Variants in RABEP2 observed in about 807,000 individuals in gnomAD.
RABEP2 encodes the protein rabaptin, RAB GTPase binding effector protein 2, also known as rab GTPase-binding effector protein 2.
Under a neutral mutation model 74.1 loss-of-function variants are expected in RABEP2, and 57 were observed. The ratio of observed to expected loss-of-function variants is 0.77; its 90% CI spans 0.62 to 0.96. The LOEUF (loss-of-function observed/expected upper bound fraction) is 0.96. RABEP2 is among the 40% of genes least tolerant of loss of function. RABEP2 has a pLI of 0.00. For missense variants in RABEP2, 692 were observed against 756.3 expected (o/e 0.91, Z 1.00); for synonymous variants, 351 against 344.0 (o/e 1.02, Z -0.23).
rs2152216945 is a variant in RABEP2 at position 28,904,831 on chromosome 16, C to G, written c.*112G>C. The G allele has an allele frequency of 1.2e-6, 1 of 849,030 alleles. No individual in the cohort carries two copies. The highest frequency in any genetic ancestry group is 1.8e-6 in the Non-Finnish European group (1 of 549,922). 52.6% of individuals were successfully genotyped at this position (849,030 alleles called of 1,614,324 possible). The stretch of plus-strand genomic sequence containing the variant: ...GGTGGCCCCCGTCAGTCCCCTCAAC[C>G]CCAGTCTCAGGGACGGTGGAAAAGC... On this transcript the variant is annotated 3_prime_UTR_variant, in exon 13 of 13. Coordinates refer to ENST00000358201, the MANE Select transcript of RABEP2 (RefSeq NM_024816.3).
intron 2 of RABEP2, among the ~76,000 whole-genome samples, chr16:28,923,307 G>A (rs1964491248): frequency 6.6e-6 from 1 of 152,046 alleles, no homozygotes; most frequent in Non-Finnish European, 1.5e-5. Context: ...CTACTTGGGA[G>A]GCTGAGGTAG....
chr16:28,905,391 C>A lies in RABEP2; in HGVS notation c.1608+6G>T. The A allele has an allele frequency of 1.3e-6, 2 of 1,600,004 alleles. No homozygotes were observed. The highest frequency in any genetic ancestry group is 1.1e-5 in the South Asian group (1 of 89,066). The stretch of plus-strand genomic sequence containing the variant: ...GCCAGCCTGGCGGGGCTGGGACAGG[C>A]CATACCTGCAGGGCCTGGGACAGTC... On this transcript the variant is annotated splice_donor_region_variant and intron_variant, in intron 12 of 12. Coordinates refer to ENST00000358201, the MANE Select transcript of RABEP2 (RefSeq NM_024816.3).
rs1178581874 is a variant in RABEP2 at position 28,910,926 on chromosome 16, T to A, written c.1051A>T (p.Thr351Ser). The part of the protein sequence containing the change: ...SEQLLRTLQG[T>S]VSQAQERVQL... ...ACCCGCTCCTGGGCCTGGCTCACGG[T>A]CCCTTGCAGGGTCCGCAGCAGCTGC... The change falls in exon 7 of 13, where the codon ACC (threonine) becomes TCC (serine). Residue 351 changes from threonine to serine, a missense_variant. By Grantham distance (58) the Thr-to-Ser change is moderately conservative (BLOSUM62 1). Transcript: ENST00000358201. 3 of 1,612,976 alleles carry A rather than the reference T, an allele frequency of 1.9e-6. No homozygotes were observed. The African/African-American group carries it at 4.0e-5, about 22-fold the overall frequency.
Position 28,904,557 on chromosome 16 carries a change from A to G in RABEP2, c.*386T>C. The G allele has an allele frequency of 7.1e-7, 1 of 1,407,964 alleles. No homozygotes were observed. The highest frequency in any genetic ancestry group is 3.2e-5 in the East Asian group (1 of 30,914). 87.2% of individuals were successfully genotyped at this position (1,407,964 alleles called of 1,614,324 possible). A position where few individuals can be genotyped will look rare whatever the true frequency, so the allele number is the denominator to read the frequency against. ...AGACCAGAAGGCAGCTGCCTGTCCC[A>G]GGGCCGGGGCCCACCTCACTGCCTC... On this transcript the variant is annotated 3_prime_UTR_variant, in exon 13 of 13. Coordinates refer to ENST00000358201, the MANE Select transcript of RABEP2 (RefSeq NM_024816.3).
At chr16:28,914,987 C>G (rs144057963) in intron 3 of RABEP2, among the ~76,000 whole-genome samples, 1 of 151,070 alleles carries the variant, frequency 6.6e-6, no homozygotes, top group African/African-American at 2.4e-5. Context: ...ATGAAGGTCA[C>G]GACTTCTTCC....
chr16:28,909,843 T>C (rs979395653), intron 7 of RABEP2, among the ~76,000 whole-genome samples: 1 of 150,906 alleles, frequency 6.6e-6, no homozygotes, highest in African/African-American at 2.4e-5. Flanking sequence ...GCTAACACGG[T>C]GAAACCCCGT....
rs1236756926 is a variant in RABEP2, at chr16:28,906,034, G to A, written c.1408C>T (p.Gln470Ter). Reference sequence around the variant, plus strand: ...CTCCCCTCACCTGTCTCCTCCCGCTGCACCCTCAGCTGCCCCTCCAGGCTG... The same window carrying A: ...CTCCCCTCACCTGTCTCCTCCCGCTACACCCTCAGCTGCCCCTCCAGGCTG... ...RASLEGQLRV[Q>*]REETEVLEAS... is the part of the protein sequence containing the mutation. The change falls in exon 9 of 13, where the codon CAG becomes TAG. Residue 470 changes from glutamine to a stop codon, truncating the protein, a stop_gained. Transcript: ENST00000358201. LOFTEE classifies it high-confidence loss of function. The A allele has an allele frequency of 2.5e-6, 4 of 1,604,578 alleles. No individual in the cohort carries two copies. The highest frequency in any genetic ancestry group is 3.4e-5 in the Admixed American group (2 of 58,882).
At chr16:28,905,076 C>T in intron 12 of RABEP2, 32 bp from the exon 13 acceptor site, 5 of 1,564,604 alleles carry the variant, frequency 3.2e-6, no homozygotes, top group East Asian at 2.3e-5. Flanking sequence ...GCAGAGTGCA[C>T]TTGTGGGGAA....
rs377506516 is a variant in RABEP2 at position 28,908,728 on chromosome 16, C to G, written c.1126G>C (p.Glu376Gln). 2 of 1,614,216 alleles carry G rather than the reference C, an allele frequency of 1.2e-6. No homozygotes were observed. ...LVTTHKCLHHEVKRLNEENQG... is the reference protein window; with the variant it reads ...LVTTHKCLHHQVKRLNEENQG... ...TTTTCCTCATTCAACCGCTTTACCT[C>G]ATGGTGCAGGCACTTGTGGGTGGTG... is the stretch of plus-strand genomic sequence containing the variant. Residue 376 changes from glutamate to glutamine, a missense_variant, in exon 8 of 13, where the codon GAG becomes CAG. By Grantham distance (29) the Glu-to-Gln change is conservative. Coordinates refer to ENST00000358201, the MANE Select transcript of RABEP2 (RefSeq NM_024816.3).
Position 28,909,795 on chromosome 16 carries a change from C to T in RABEP2, c.1090-1031G>A, listed in dbSNP as rs188121413. Among the ~76,000 whole-genome samples the T allele has an allele frequency of 2.2e-3, 339 of 151,148 alleles. 1 individual carries two copies. The highest frequency in any genetic ancestry group is 7.8e-3 in the African/African-American group (320 of 41,192). On this transcript the variant is annotated intron_variant, in intron 7 of 12. Transcript: ENST00000358201. Reference sequence around the variant, plus strand: ...ATCCCAGCACTTTGGGAGGCCGAGACGGGTGGATCACGAGGTCAGGAGATC... The same window carrying T: ...ATCCCAGCACTTTGGGAGGCCGAGATGGGTGGATCACGAGGTCAGGAGATC...
At position 28,908,999 on chromosome 16, in the gene RABEP2, CTATATA is replaced by C. The variant is rs113226418; in HGVS notation, c.1090-241_1090-236del. Among the ~76,000 whole-genome samples the C allele has an allele frequency of 4.3e-3, 637 of 148,540 alleles. 3 individuals are homozygous for C. The highest frequency in any genetic ancestry group is 0.01 in the Middle Eastern group (3 of 286). On this transcript the variant is annotated intron_variant, in intron 7 of 12. Transcript: ENST00000358201. ...GCCCAAGCCAGATATTTTACTTGGT[CTATATA>C]TATATATATATATATATACACATAC...
Position 28,904,704 on chromosome 16 carries a change from C to A in RABEP2, c.*239G>T, listed in dbSNP as rs971022857. On this transcript the variant is annotated 3_prime_UTR_variant, in exon 13 of 13. Transcript: ENST00000358201. ...CCAGAAAGCCGCAGGCCTGAGCCTGCACCTTTGGTTCCGGGAGGGGCTTGG... is the reference window on the plus strand; with the variant it reads ...CCAGAAAGCCGCAGGCCTGAGCCTGAACCTTTGGTTCCGGGAGGGGCTTGG... 17 of 646,316 alleles carry A rather than the reference C, an allele frequency of 2.6e-5. No individual in the cohort carries two copies. The highest frequency in any genetic ancestry group is 2.4e-4 in the African/African-American group (13 of 54,302). The allele number at this position is 646,316 out of a possible 1,614,324, so 40.0% of individuals were successfully genotyped here.
chr16:28,924,828 A>C (rs1596706773), intron 1 of RABEP2: 2 of 697,926 alleles, frequency 2.9e-6, no homozygotes, highest in South Asian at 3.0e-5. Context: ...GGCCAGTTTC[A>C]CTCAGTCCTC....
intron 3 of RABEP2, 35 bp from the exon 4 acceptor site, chr16:28,914,817 C>G (rs746819269): frequency 6.3e-7 from 1 of 1,587,232 alleles, no homozygotes; most frequent in South Asian, 1.1e-5. Context: ...AATAGTTCCC[C>G]CTCCAAAGTG....
rs1275715583 is a variant in RABEP2, at chr16:28,904,772, C to T, written c.*171G>A. The T allele has an allele frequency of 1.7e-5, 11 of 663,362 alleles. No homozygotes were observed. Among genetic ancestry groups the T allele is most frequent in the Non-Finnish European group, 2.3e-5 (9 of 396,130 alleles). The allele number at this position is 663,362 out of a possible 1,614,324, so 41.1% of individuals were successfully genotyped here. On this transcript the variant is annotated 3_prime_UTR_variant, in exon 13 of 13. Transcript: ENST00000358201. ...GATCCCTGAGAACAGGAGGCCCAGC[C>T]ACCCTGGGAGGAGGCGCTGGAGGGC... is the stretch of plus-strand genomic sequence containing the variant.
In RABEP2 at chr16:28,904,472, G is replaced by A; in HGVS notation, c.*471C>T. 6.6e-7 allele frequency: 1 copy of A among 1,511,240 alleles called. No individual in the cohort carries two copies. The allele number at this position is 1,511,240 out of a possible 1,614,324, so 93.6% of individuals were successfully genotyped here. The stretch of plus-strand genomic sequence containing the variant: ...ATAAACGACGGAAAAGTCTGGCCTT[G>A]CCTCTGTGCAAGCTTGGAGGCCTGG... On this transcript the variant is annotated 3_prime_UTR_variant, in exon 13 of 13. Transcript: ENST00000358201.
At chr16:28,922,447 C>T (rs540292007) in intron 2 of RABEP2, among the ~76,000 whole-genome samples, 200 of 151,904 alleles carry the variant, frequency 1.3e-3, no homozygotes, top group Non-Finnish European at 2.4e-3. Flanking sequence ...TGGGGCCGGG[C>T]GTGGTGGGTC....
intron 5 of RABEP2, among the ~76,000 whole-genome samples, chr16:28,912,536 G>T (rs769115890): frequency 6.6e-6 from 1 of 150,690 alleles, no homozygotes; most frequent in Non-Finnish European, 1.5e-5. Flanking sequence ...TCAACCTCTC[G>T]AAGTAGCCTG....
chr16:28,924,687 C>A, intron 1 of RABEP2, 72 bp from the exon 2 acceptor site: 1 of 1,370,070 alleles, frequency 7.3e-7, no homozygotes, highest in Non-Finnish European at 1.0e-6. Flanking sequence ...GCAAGTCCTG[C>A]AACCTAGTAC....
Sources: gnomAD v4.1 joint callset for allele counts (sites outside exome capture counted in the v4.1 genomes callset) on GRCh38, gnomAD v4.1.1 for gene constraint, MANE v1.5 for transcripts, NCBI Gene and HGNC (gene_info 2026-07-23, HGNC 2026-07-21) for gene names.